Variants in BZW2 observed in about 807,000 individuals in gnomAD.
BZW2 encodes basic leucine zipper and W2 domains 2.
In BZW2, 23 loss-of-function variants were observed where a neutral mutation model predicts 53.2. The observed-to-expected ratio is 0.43, with a 90% confidence interval of 0.31 to 0.61. The LOEUF (loss-of-function observed/expected upper bound fraction) is 0.61. BZW2 is among the 20% of genes least tolerant of loss of function. The pLI is 0.09. For synonymous variants in BZW2, 227 were observed against 186.4 expected, an observed-to-expected ratio of 1.22 and a Z score of -1.77; for missense variants, 409 against 503.1, an observed-to-expected ratio of 0.81 and a Z score of 1.79.
chr7:16,688,248 T>C (rs1783192279), intron 6 of BZW2, among the ~76,000 whole-genome samples: 1 of 152,216 alleles, frequency 6.6e-6, no homozygotes, highest in South Asian at 2.1e-4. Flanking sequence ...AGGACTTAAG[T>C]ATTTTTCTCC....
At chr7:16,689,322 A>G (rs936038978) in intron 6 of BZW2, among the ~76,000 whole-genome samples, 2 of 152,232 alleles carry the variant, frequency 1.3e-5, no homozygotes, top group Non-Finnish European at 2.9e-5. Context: ...AGCAATACTT[A>G]TTGTATCTAT....
At chr7:16,674,676 G>A in intron 3 of BZW2, 88 bp downstream of exon 3, 1 of 1,153,866 alleles carries the variant, frequency 8.7e-7, no homozygotes, top group Non-Finnish European at 1.1e-6. Flanking sequence ...GTCTTTATAA[G>A]TTTATGTTTA....
At chr7:16,683,592 A>G (rs184111359) in intron 5 of BZW2, among the ~76,000 whole-genome samples, 1,534 of 152,378 alleles carry the variant, frequency 0.01, 25 homozygotes, top group South Asian at 0.055. Flanking sequence ...GATAGAGTAT[A>G]TAGGTGTAAT....
At chr7:16,672,175 G>A (rs939517562) in intron 2 of BZW2, among the ~76,000 whole-genome samples, 15 of 152,052 alleles carry the variant, frequency 9.9e-5, no homozygotes, top group Non-Finnish European at 4.4e-5. Flanking sequence ...CAGTCTTTGT[G>A]CTGGGTTCCC....
At chr7:16,661,085 G>C (rs972696583) in intron 1 of BZW2, 4 of 152,046 alleles carry the variant, frequency 2.6e-5, no homozygotes, top group African/African-American at 9.7e-5. Flanking sequence ...TCATAAAGTT[G>C]TTTGAATAAC....
chr7:16,701,177 C>A (rs1783655197), intron 10 of BZW2, among the ~76,000 whole-genome samples: 1 of 152,114 alleles, frequency 6.6e-6, no homozygotes, highest in South Asian at 2.1e-4. Flanking sequence ...GTATTAAAAT[C>A]TAGATTTGCA....
At chr7:16,705,847 T>C (rs942183567) in intron 11 of BZW2, among the ~76,000 whole-genome samples, 4 of 151,720 alleles carry the variant, frequency 2.6e-5, no homozygotes, top group African/African-American at 7.3e-5. Flanking sequence ...TATGTATGCA[T>C]GTTGCATTTT....
rs899028032 is a variant in BZW2, at chr7:16,689,962, C to T, written c.651+56C>T. The T allele has an allele frequency of 9.3e-6, 12 of 1,290,620 alleles. No individual in the cohort carries two copies. The African/African-American group carries it at 1.5e-4, about 16-fold the overall frequency. The allele number at this position is 1,290,620 out of a possible 1,614,324, so 79.9% of individuals were successfully genotyped here. A position where few individuals can be genotyped will look rare whatever the true frequency, so the allele number is the denominator to read the frequency against. ...TATGATGCCTTTCTTGGAGCTTAAG[C>T]AATGCCTGCAATGTAGTATATGAGT... On this transcript the variant is annotated intron_variant, in intron 7 of 11. Transcript: ENST00000258761.
chr7:16,705,335 A>C (rs1783809770), intron 11 of BZW2, among the ~76,000 whole-genome samples: 1 of 149,508 alleles, frequency 6.7e-6, no homozygotes, highest in South Asian at 2.1e-4. Context: ...GCCAGCCTGG[A>C]TGACAGAGCA....
intron 8 of BZW2, chr7:16,695,748 A>G (rs1354770160): frequency 2.0e-5 from 3 of 151,886 alleles, no homozygotes; most frequent in Admixed American, 6.6e-5. Flanking sequence ...CCTGACCCAC[A>G]CCTCCTTCCA....
intron 10 of BZW2, among the ~76,000 whole-genome samples, chr7:16,700,370 A>G (rs1216935481): frequency 6.6e-6 from 1 of 151,938 alleles, no homozygotes; most frequent in Non-Finnish European, 1.5e-5. Flanking sequence ...CTTTCACCTT[A>G]TTTTGTCCAC....
At chr7:16,698,326 G>C (rs1364241127) in intron 10 of BZW2, 140 bp downstream of exon 10, 1 of 1,162,934 alleles carries the variant, frequency 8.6e-7, no homozygotes, top group Non-Finnish European at 1.2e-6. Context: ...AAGTTTTATT[G>C]AGGCAACCAT....
At chr7:16,667,216 G>A (rs770685334) in intron 2 of BZW2, among the ~76,000 whole-genome samples, 1 of 151,166 alleles carries the variant, frequency 6.6e-6, no homozygotes, top group Non-Finnish European at 1.5e-5. Context: ...CCAGGATTGG[G>A]AGGTCAGTGA....
chr7:16,671,422 C>G (rs976390914), intron 2 of BZW2, among the ~76,000 whole-genome samples: 1 of 152,118 alleles, frequency 6.6e-6, no homozygotes, highest in African/African-American at 2.4e-5. Context: ...ACTAGCCCAC[C>G]CTAACCTTTC....
At chr7:16,701,769 A>G (rs1004841248) in intron 10 of BZW2, among the ~76,000 whole-genome samples, 4 of 152,200 alleles carry the variant, frequency 2.6e-5, no homozygotes, top group Non-Finnish European at 5.9e-5. Context: ...CAGGTCTTTC[A>G]TTAAATGCTG....
intron 1 of BZW2, among the ~76,000 whole-genome samples, chr7:16,652,486 C>A (rs1237386866): frequency 6.6e-6 from 1 of 152,096 alleles, no homozygotes; most frequent in Non-Finnish European, 1.5e-5. Flanking sequence ...GTATATTTGG[C>A]AAACAAATAA....
chr7:16,677,095 A>G (rs1782788876), intron 3 of BZW2, among the ~76,000 whole-genome samples: 1 of 149,924 alleles, frequency 6.7e-6, no homozygotes, highest in Non-Finnish European at 1.5e-5. Flanking sequence ...AATGGAGTGA[A>G]AACAGAGCTC....
intron 2 of BZW2, among the ~76,000 whole-genome samples, 166 bp from the exon 3 acceptor site, chr7:16,674,246 C>T (rs1413476567): frequency 6.6e-6 from 1 of 152,090 alleles, no homozygotes; most frequent in Admixed American, 6.6e-5. Flanking sequence ...TTCCCCTATG[C>T]CATCTTTATT....
In BZW2 at chr7:16,646,210, T is replaced by TGCTGCTGCTGCTGCC. The variant is rs942267727; in HGVS notation, c.-74_-60dup. The TGCTGCTGCTGCTGCC allele has an allele frequency of 8.7e-6, 3 of 343,284 alleles. No individual in the cohort carries two copies. Among genetic ancestry groups the TGCTGCTGCTGCTGCC allele is most frequent in the African/African-American group, 2.2e-5 (1 of 45,248 alleles). 21.3% of individuals were successfully genotyped at this position (343,284 alleles called of 1,614,324 possible). The stretch of plus-strand genomic sequence containing the variant: ...CTCCATTGTCTGCCGCCACTGCTGC[T>TGCTGCTGCTGCTGCC]GCTGCTGCTGCTGCCGCTGCTGCTG... On this transcript the variant is annotated 5_prime_UTR_variant, in exon 1 of 12. Transcript: ENST00000258761.
Sources: gnomAD v4.1 joint callset for allele counts (sites outside exome capture counted in the v4.1 genomes callset) on GRCh38, gnomAD v4.1.1 for gene constraint, MANE v1.5 for transcripts, NCBI Gene and HGNC (gene_info 2026-07-23, HGNC 2026-07-21) for gene names.